Variants in SOX6 observed in about 807,000 individuals in gnomAD.
SOX6 encodes the protein transcription factor SOX-6.
In SOX6, 11 loss-of-function variants were observed where a neutral mutation model predicts 97.8. That is an observed-to-expected ratio of 0.11 (90% confidence interval 0.07 to 0.19). The LOEUF is 0.19. Ranked by LOEUF, SOX6 falls within the 10% of genes least tolerant of loss-of-function variation. The pLI is 1.00. For synonymous variants in SOX6, 360 were observed against 371.4 expected, an observed-to-expected ratio of 0.97 and a Z score of 0.35; for missense variants, 810 against 1,039.5, an observed-to-expected ratio of 0.78 and a Z score of 3.04.
At chr11:16,581,485 GT>G (rs1052104006) in intron 4 of SOX6, among the ~76,000 whole-genome samples, 4 of 152,118 alleles carry the variant, frequency 2.6e-5, no homozygotes, top group African/African-American at 9.7e-5. Flanking sequence ...AGGACAAATA[GT>G]TAATGCATGA....
intron 3 of SOX6, among the ~76,000 whole-genome samples, chr11:16,293,398 T>A (rs1854972518): frequency 6.6e-6 from 1 of 152,172 alleles, no homozygotes; most frequent in Non-Finnish European, 1.5e-5. Flanking sequence ...TTAGGCAGCA[T>A]AAATTCTGTC....
chr11:16,559,747 G>A (rs983445432), intron 4 of SOX6, among the ~76,000 whole-genome samples: 2 of 151,954 alleles, frequency 1.3e-5, no homozygotes, highest in African/African-American at 4.8e-5. Flanking sequence ...CTTGCTACTG[G>A]TTTTCATGCC....
intron 3 of SOX6, among the ~76,000 whole-genome samples, chr11:16,278,037 A>G (rs1854449419): frequency 6.6e-6 from 1 of 152,174 alleles, no homozygotes; most frequent in African/African-American, 2.4e-5. Context: ...GCCTATATAT[A>G]TATTTCTCTC....
intron 6 of SOX6, among the ~76,000 whole-genome samples, chr11:16,143,072 A>C (rs1589969300): frequency 6.6e-6 from 1 of 152,314 alleles, no homozygotes; most frequent in African/African-American, 2.4e-5. Context: ...AGTTAAAATG[A>C]AGGAAAAAAT....
At chr11:16,472,063 G>A (rs1193812653) in intron 1 of SOX6, among the ~76,000 whole-genome samples, 2 of 152,158 alleles carry the variant, frequency 1.3e-5, no homozygotes, top group Non-Finnish European at 2.9e-5. Context: ...TAAGTCAAAA[G>A]AAAGTGATCA....
At chr11:16,321,918 A>G (rs765738308) in intron 2 of SOX6, among the ~76,000 whole-genome samples, 3 of 152,150 alleles carry the variant, frequency 2.0e-5, no homozygotes, top group Non-Finnish European at 2.9e-5. Flanking sequence ...TCATAAGTGG[A>G]AGTCTGTAAG....
chr11:16,726,363 G>A (rs1848306547), intron 2 of SOX6, among the ~76,000 whole-genome samples: 1 of 152,210 alleles, frequency 6.6e-6, no homozygotes, highest in South Asian at 2.1e-4. Flanking sequence ...GTTGCAGTGA[G>A]CTGAGATCAC....
intron 1 of SOX6, among the ~76,000 whole-genome samples, chr11:16,402,197 T>A (rs1490007863): frequency 3.3e-5 from 5 of 151,674 alleles, no homozygotes; most frequent in African/African-American, 1.2e-4. Context: ...CAGTAGCTCT[T>A]AAATTTGTGA....
At chr11:16,307,867 T>C (rs1316700177) in intron 3 of SOX6, among the ~76,000 whole-genome samples, 1 of 152,212 alleles carries the variant, frequency 6.6e-6, no homozygotes, top group Non-Finnish European at 1.5e-5. Flanking sequence ...TTTCAATTCA[T>C]TATTTGAGAG....
At chr11:16,109,176 C>A (rs1849167681) in intron 7 of SOX6, among the ~76,000 whole-genome samples, 1 of 151,900 alleles carries the variant, frequency 6.6e-6, no homozygotes, top group Non-Finnish European at 1.5e-5. Flanking sequence ...ACATACATTT[C>A]TTTTCTTTTT....
rs4617548 is a variant in SOX6 at position 16,111,867 on chromosome 11, A to G, written c.834T>C (p.Thr278=). 0.53 allele frequency: 848,784 copies of G among 1,612,268 alleles called. 226,396 individuals carry two copies. Among genetic ancestry groups the G allele is most frequent in the Admixed American group, 0.68 (40,623 of 59,914 alleles). Residue 278 remains threonine, a synonymous_variant, in exon 7 of 16, where the codon ACT becomes ACC. Coordinates refer to ENST00000683767, the MANE Select transcript of SOX6 (RefSeq NM_001367873.1). ...MIPIFPHDQR[T]LAAAAAAQQG... is the part of the protein sequence containing the mutation. ...GTTGGGCAGCAGCAGCTGCTGCCAG[A>G]GTCCGCTGGTCATGTGGAAAAATTG...
chr11:16,576,474 A>C (rs1847985585), intron 4 of SOX6, among the ~76,000 whole-genome samples: 1 of 152,208 alleles, frequency 6.6e-6, no homozygotes, highest in African/African-American at 2.4e-5. Flanking sequence ...CATAGTAATA[A>C]GATATATCTT....
At position 16,088,032 on chromosome 11, in the gene SOX6, G is replaced by T. The variant is rs546551841; in HGVS notation, c.1101+7964C>A. Among the ~76,000 whole-genome samples the T allele has an allele frequency of 8.6e-4, 131 of 152,210 alleles. 1 individual carries two copies. The highest frequency in any genetic ancestry group is 1.3e-3 in the Non-Finnish European group (89 of 68,018). On this transcript the variant is annotated intron_variant, in intron 9 of 15. Transcript: ENST00000683767. Reference sequence around the variant, plus strand: ...AAGTTGCCCTCAGCTGAAGACTGCTGTCTAGTACAGGACCTGGCATATAAT... The same window carrying T: ...AAGTTGCCCTCAGCTGAAGACTGCTTTCTAGTACAGGACCTGGCATATAAT...
chr11:16,524,421 T>C (rs1394812300), intron 4 of SOX6, among the ~76,000 whole-genome samples: 1 of 152,064 alleles, frequency 6.6e-6, no homozygotes, highest in Non-Finnish European at 1.5e-5. Flanking sequence ...TTTGACAAAA[T>C]TCAACAACCC....
At chr11:16,478,123 T>C (rs1860287017), upstream of SOX6, among the ~76,000 whole-genome samples, 1 of 152,168 alleles carries the variant, frequency 6.6e-6, no homozygotes, top group Non-Finnish European at 1.5e-5. Flanking sequence ...TATAAAGAAG[T>C]TACCCACAAA....
At chr11:16,076,790 A>G (rs1174756856) in intron 9 of SOX6, among the ~76,000 whole-genome samples, 2 of 118,868 alleles carry the variant, frequency 1.7e-5, no homozygotes, top group Non-Finnish European at 3.2e-5. Context: ...TCTGTCGCCC[A>G]GGCCGGACTG....
chr11:16,147,966 C>T (rs1589974384), intron 6 of SOX6, among the ~76,000 whole-genome samples: 3 of 152,302 alleles, frequency 2.0e-5, no homozygotes, highest in African/African-American at 4.8e-5. Context: ...AGGAGATTAA[C>T]CATTGCTTCA....
At chr11:16,516,102 G>A (rs923685380) in intron 4 of SOX6, among the ~76,000 whole-genome samples, 1 of 150,230 alleles carries the variant, frequency 6.7e-6, no homozygotes, top group Non-Finnish European at 1.5e-5. Flanking sequence ...TTGGTAGCTT[G>A]ATGGGGATGG....
At chr11:16,538,514 A>G (rs1010149108) in intron 4 of SOX6, among the ~76,000 whole-genome samples, 1 of 152,252 alleles carries the variant, frequency 6.6e-6, no homozygotes, top group African/African-American at 2.4e-5. Context: ...TGCCCCAATT[A>G]AAAGACAGAC....
Sources: gnomAD v4.1 joint callset for allele counts (sites outside exome capture counted in the v4.1 genomes callset) on GRCh38, gnomAD v4.1.1 for gene constraint, MANE v1.5 for transcripts, NCBI Gene and HGNC (gene_info 2026-07-23, HGNC 2026-07-21) for gene names.